Variants in ADGRV1 observed in about 807,000 individuals in gnomAD.
The protein encoded by ADGRV1 is G-protein coupled receptor 98.
ADGRV1 carries 359 observed loss-of-function variants against 596.2 expected under a neutral mutation model. That is an observed-to-expected ratio of 0.60 (90% confidence interval 0.55 to 0.66). The LOEUF (loss-of-function observed/expected upper bound fraction) is 0.66. Ranked by LOEUF, ADGRV1 falls within the 30% of genes least tolerant of loss-of-function variation. The probability of loss-of-function intolerance (pLI) is 0.00; values close to 1 mark genes in which losing one functional copy is unlikely to be tolerated. For missense variants in ADGRV1, 7,274 were observed against 7,575.6 expected, an observed-to-expected ratio of 0.96 and a Z score of 1.48; for synonymous variants, 2,681 against 2,679.2, an observed-to-expected ratio of 1.00 and a Z score of -0.02.
intron 45 of ADGRV1, among the ~76,000 whole-genome samples, chr5:90,721,567 A>AAAT (rs1439868824): frequency 0.034 from 2,563 of 76,130 alleles, 321 homozygotes; most frequent in African/African-American, 0.13. Flanking sequence ...AAAATAAAAT[A>AAAT]AAATAAAATA....
intron 83 of ADGRV1, among the ~76,000 whole-genome samples, chr5:90,867,139 A>G (rs1327451697): frequency 2.0e-5 from 3 of 152,168 alleles, no homozygotes; most frequent in African/African-American, 7.2e-5. Context: ...CAGGGTTCTC[A>G]GTTCTGGAGG....
chr5:91,083,507 GTTGTTTT>G lies in ADGRV1; in HGVS notation c.18310+10925_18310+10931del, dbSNP rs775903477. Among the ~76,000 whole-genome samples, 73 of 152,156 alleles carry G rather than the reference GTTGTTTT, an allele frequency of 4.8e-4. No individual in the cohort carries two copies. In the South Asian group the frequency reaches 7.3e-3, roughly 15 times the overall value. ...GAAGAAAGTGACGTTTTTACAATAT[GTTGTTTT>G]TTGTTTTTTGTTTTTTGTTTTCAGA... On this transcript the variant is annotated intron_variant, in intron 86 of 89. Coordinates refer to ENST00000405460, the MANE Select transcript of ADGRV1 (RefSeq NM_032119.4).
intron 83 of ADGRV1, among the ~76,000 whole-genome samples, chr5:90,876,868 T>G (rs552048494): frequency 1.3e-5 from 2 of 152,326 alleles, no homozygotes; most frequent in East Asian, 3.9e-4. Context: ...TAGTGTCATA[T>G]GTACTATGAC....
At chr5:90,925,441 T>C (rs1774333155) in intron 83 of ADGRV1, among the ~76,000 whole-genome samples, 1 of 152,178 alleles carries the variant, frequency 6.6e-6, no homozygotes, top group African/African-American at 2.4e-5. Context: ...TTGTCTATTA[T>C]TGGTGTATAA....
intron 50 of ADGRV1, among the ~76,000 whole-genome samples, chr5:90,735,060 G>T (rs1372579567): frequency 6.6e-6 from 1 of 151,934 alleles, no homozygotes; most frequent in East Asian, 1.9e-4. Flanking sequence ...GTCTATTTTT[G>T]CTTTTGTCGC....
At chr5:91,132,314 A>G (rs1251244346) in intron 87 of ADGRV1, among the ~76,000 whole-genome samples, 1 of 152,190 alleles carries the variant, frequency 6.6e-6, no homozygotes, top group East Asian at 1.9e-4. Context: ...TTTTTTATAA[A>G]TTTGATTTTT....
chr5:91,125,502 C>A (rs544667956), intron 87 of ADGRV1, among the ~76,000 whole-genome samples: 1 of 152,084 alleles, frequency 6.6e-6, no homozygotes, highest in African/African-American at 2.4e-5. Context: ...AGAATCCAGG[C>A]GACACTAGTC....
At chr5:90,999,185 C>A (rs1294034947) in intron 85 of ADGRV1, among the ~76,000 whole-genome samples, 1 of 151,812 alleles carries the variant, frequency 6.6e-6, no homozygotes, top group Non-Finnish European at 1.5e-5. Context: ...ATTTTTATTT[C>A]TCTATTAACA....
chr5:91,049,064 TAAAA>T (rs35755357), intron 85 of ADGRV1, among the ~76,000 whole-genome samples: 2 of 148,346 alleles, frequency 1.3e-5, no homozygotes, highest in Admixed American at 1.3e-4. Context: ...TGCTTTTCCT[TAAAA>T]AAAAAAAATA....
At chr5:90,578,912 G>A (rs1036399328) in intron 1 of ADGRV1, among the ~76,000 whole-genome samples, 3 of 152,144 alleles carry the variant, frequency 2.0e-5, no homozygotes, top group Admixed American at 6.5e-5. Flanking sequence ...GGTGTTTATA[G>A]TATTCTCTGA....
At chr5:90,892,654 C>T (rs1770933040) in intron 83 of ADGRV1, among the ~76,000 whole-genome samples, 1 of 152,102 alleles carries the variant, frequency 6.6e-6, no homozygotes, top group Non-Finnish European at 1.5e-5. Context: ...CCTTTTAATC[C>T]TTCACCCCCA....
chr5:91,015,123 A>C (rs1331306816), intron 85 of ADGRV1, among the ~76,000 whole-genome samples: 2 of 151,864 alleles, frequency 1.3e-5, no homozygotes, highest in Non-Finnish European at 2.9e-5. Context: ...TTTCTCTGTT[A>C]ATTTCATTTT....
chr5:90,618,541 GTT>G (rs1763655517), intron 3 of ADGRV1, among the ~76,000 whole-genome samples: 1 of 152,098 alleles, frequency 6.6e-6, no homozygotes, highest in African/African-American at 2.4e-5. Flanking sequence ...ACTTGAAACA[GTT>G]ATGTTTTGCT....
intron 23 of ADGRV1, chr5:90,674,727 A>G (rs189564266): frequency 6.5e-6 from 1 of 153,580 alleles, no homozygotes; most frequent in East Asian, 1.9e-4. Context: ...GGAAAATAAT[A>G]TTTCTTCTAT....
intron 83 of ADGRV1, among the ~76,000 whole-genome samples, chr5:90,879,982 ATTTT>A (rs1228953241): frequency 6.6e-6 from 1 of 151,500 alleles, no homozygotes; most frequent in Non-Finnish European, 1.5e-5. Context: ...ATTAATAATT[ATTTT>A]AAGAAGCAAT....
chr5:90,919,331 G>T (rs533653971), intron 83 of ADGRV1, among the ~76,000 whole-genome samples: 1 of 152,266 alleles, frequency 6.6e-6, no homozygotes, highest in East Asian at 1.9e-4. Context: ...AATGTTTTCT[G>T]ATTACTAGAC....
intron 83 of ADGRV1, among the ~76,000 whole-genome samples, chr5:90,871,461 A>G (rs1233018587): frequency 6.6e-6 from 1 of 152,230 alleles, no homozygotes; most frequent in Non-Finnish European, 1.5e-5. Context: ...CAAAAATAGT[A>G]TCATGGTCAC....
Position 90,755,125 on chromosome 5 carries a change from A to G in ADGRV1, c.11520A>G (p.Glu3840=), listed in dbSNP as rs1385631057. ...ATENEDYVLQ[E]TIIIMKENIK... ...AGAATGAAGATTATGTATTGCAAGAAACAATAATAATAATGAAAGAAAACA... is the reference window on the plus strand; with the variant it reads ...AGAATGAAGATTATGTATTGCAAGAGACAATAATAATAATGAAAGAAAACA... The change falls in exon 55 of 90, where the codon GAA becomes GAG. Residue 3840 remains glutamate (E), a synonymous_variant. Transcript: ENST00000405460. The G allele has an allele frequency of 6.2e-7, 1 of 1,611,482 alleles. No individual in the cohort carries two copies. The highest frequency in any genetic ancestry group is 8.5e-7 in the Non-Finnish European group (1 of 1,178,702).
intron 87 of ADGRV1, among the ~76,000 whole-genome samples, chr5:91,121,998 T>G (rs1324466511): frequency 6.6e-6 from 1 of 152,116 alleles, no homozygotes; most frequent in Non-Finnish European, 1.5e-5. Flanking sequence ...GACCATTAAC[T>G]TGTTATTGAA....
Sources: gnomAD v4.1 joint callset for allele counts (sites outside exome capture counted in the v4.1 genomes callset) on GRCh38, gnomAD v4.1.1 for gene constraint, MANE v1.5 for transcripts, NCBI Gene and HGNC (gene_info 2026-07-23, HGNC 2026-07-21) for gene names.